USP9X: variants seen among roughly 807,000 people sequenced by gnomAD.
USP9X encodes the protein ubiquitin specific peptidase 9 X-linked.
A neutral mutation model predicts 190.3 loss-of-function variants in USP9X; 7 were observed. That is an observed-to-expected ratio of 0.04 (90% confidence interval 0.02 to 0.07). USP9X has a LOEUF of 0.07. Among genes scored for constraint, USP9X ranks in the 10% least tolerant of loss-of-function variants. The pLI is 1.00. For synonymous variants in USP9X, 645 were observed against 659.5 expected, an observed-to-expected ratio of 0.98 and a Z score of 0.34; for missense variants, 1,010 against 1,916.9, an observed-to-expected ratio of 0.53 and a Z score of 8.83.
rs1402507126 is a variant in USP9X, at chrX:41,219,094, C to G, written c.6436-8C>G. The stretch of plus-strand genomic sequence containing the variant: ...GCTGTAAAACAGGTAATGTTTTATC[C>G]TTTACAGGCTTATGACAACTTAAGC... On this transcript the variant is annotated splice_polypyrimidine_tract_variant and splice_region_variant and intron_variant, in intron 37 of 44. Transcript: ENST00000378308. 2 of 1,202,376 alleles carry G rather than the reference C, an allele frequency of 1.7e-6. No individual in the cohort carries two copies. Among genetic ancestry groups the G allele is most frequent in the Non-Finnish European group, 2.2e-6 (2 of 891,902 alleles).
rs1359920977 is a variant in USP9X, at chrX:41,234,484, AT to A, written c.*1964del. 1 of 112,225 alleles carries A rather than the reference AT, an allele frequency of 8.9e-6. No homozygotes were observed. The highest frequency in any genetic ancestry group is 9.5e-5 in the Admixed American group (1 of 10,522). The allele number at this position is 112,225 out of a possible 1,213,427, so 9.2% of individuals were successfully genotyped here. On this transcript the variant is annotated 3_prime_UTR_variant, in exon 45 of 45. Transcript: ENST00000378308. The stretch of plus-strand genomic sequence containing the variant: ...GTGCTTCTAGGTGTTCCTGTAGGAC[AT>A]TTTGACACCGATACTTTGAGTGAAA...
chrX:41,148,388 G>A lies in USP9X; in HGVS notation c.1439G>A (p.Ser480Asn), dbSNP rs377096733. 11 of 1,209,920 alleles carry A rather than the reference G, an allele frequency of 9.1e-6. No homozygotes were observed. Among genetic ancestry groups the A allele is most frequent in the Non-Finnish European group, 1.2e-5 (11 of 895,201 alleles). ...DCFKASWTNA[S>N]KKQREKLLEL... ...TTCTAGGCCAGTTGGACAAATGCGA[G>A]TAAAAAGCAACGTGAAAAGCTACTT... Residue 480 changes from serine to asparagine, a missense_variant, in exon 12 of 45, where the codon AGT becomes AAT. Physicochemically the swap from Ser to Asn is conservative, Grantham distance 46. Transcript: ENST00000378308.
At chrX:41,182,109 G>GC (rs779827095) in intron 21 of USP9X, among the ~76,000 whole-genome samples, 9 of 112,004 alleles carry the variant, frequency 8.0e-5, no homozygotes, top group Non-Finnish European at 1.1e-4. Flanking sequence ...ACCGGGTCAC[G>GC]CTGGTAATCC....
In USP9X at chrX:41,130,709, C is replaced by CTCTCT. The variant is rs2062304178; in HGVS notation, c.243-745_243-744insCTTCT. 1.0e-4 allele frequency among the ~76,000 whole-genome samples: 10 copies of CTCTCT among 100,451 alleles called. No individual in the cohort carries two copies. In the South Asian group the frequency reaches 4.6e-3, roughly 47 times the overall value. 87.2% of individuals were successfully genotyped at this position (100,451 alleles called of 115,157 possible). A position where few individuals can be genotyped will look rare whatever the true frequency, so the allele number is the denominator to read the frequency against. On this transcript the variant is annotated intron_variant, in intron 3 of 44. Transcript: ENST00000378308. ...CCATGTTGGCCAGGATGGTCTTGAT[C>CTCTCT]TCTTTTCTTTTCTTTTTCTTTTTTT...
intron 5 of USP9X, among the ~76,000 whole-genome samples, chrX:41,135,714 T>A: frequency 1.8e-5 from 2 of 111,608 alleles, no homozygotes; most frequent in South Asian, 3.8e-4. Flanking sequence ...CACTGCAACC[T>A]CCGCCTCCCA....
intron 21 of USP9X, among the ~76,000 whole-genome samples, chrX:41,177,364 CTTTG>C (rs939226960): frequency 1.9e-4 from 21 of 112,042 alleles, no homozygotes; most frequent in African/African-American, 6.8e-4. Context: ...TCTTTTGTGA[CTTTG>C]TTTTTGAATG....
intron 16 of USP9X, among the ~76,000 whole-genome samples, chrX:41,166,494 C>T (rs1232989150): frequency 1.8e-5 from 2 of 111,542 alleles, no homozygotes; most frequent in Admixed American, 9.5e-5. Flanking sequence ...ATTCCTCCCC[C>T]GTGGATATTA....
rs1033780426 is a variant in USP9X at position 41,233,751 on chromosome X, A to T, written c.*1227A>T. ...TCATTAAAAAAGAAACTACTGGTTG[A>T]TATAATTGAGATATTACAATTTCAG... On this transcript the variant is annotated 3_prime_UTR_variant, in exon 45 of 45. Transcript: ENST00000378308. 2 of 112,323 alleles carry T rather than the reference A, an allele frequency of 1.8e-5. No homozygotes were observed. The highest frequency in any genetic ancestry group is 6.5e-5 in the African/African-American group (2 of 30,850). The allele number at this position is 112,323 out of a possible 1,213,427, so 9.3% of individuals were successfully genotyped here. A position where few individuals can be genotyped will look rare whatever the true frequency, so the allele number is the denominator to read the frequency against.
At chrX:41,208,477 A>G (rs2063126202) in intron 32 of USP9X, among the ~76,000 whole-genome samples, 1 of 112,007 alleles carries the variant, frequency 8.9e-6, no homozygotes. Context: ...CTTTAGACAC[A>G]TAATCTACTC....
intron 2 of USP9X, among the ~76,000 whole-genome samples, chrX:41,125,380 ATTTT>A (rs35160092): frequency 1.0e-5 from 1 of 100,264 alleles, no homozygotes; most frequent in African/African-American, 3.6e-5. Flanking sequence ...CGGCCGATCC[ATTTT>A]TTTTTTTTTA....
intron 42 of USP9X, 36 bp from the exon 43 acceptor site, chrX:41,229,531 A>G: frequency 8.4e-7 from 1 of 1,192,002 alleles, no homozygotes; most frequent in South Asian, 1.9e-5. Flanking sequence ...AGTATTCCAA[A>G]TCCTCTTATC....
At chrX:41,170,703 T>G (rs766423045) in intron 20 of USP9X, 84 bp downstream of exon 20, 1 of 957,963 alleles carries the variant, frequency 1.0e-6, no homozygotes, top group African/African-American at 2.0e-5. Flanking sequence ...TGGTTCTTTC[T>G]TTTCTTGAGG....
At chrX:41,087,615 A>T (rs2061923464) in intron 1 of USP9X, among the ~76,000 whole-genome samples, 1 of 112,614 alleles carries the variant, frequency 8.9e-6, no homozygotes. Flanking sequence ...TTATCGTTCC[A>T]GCTTTTGGGT....
intron 26 of USP9X, among the ~76,000 whole-genome samples, chrX:41,194,466 A>G: frequency 9.0e-6 from 1 of 111,398 alleles, no homozygotes; most frequent in Non-Finnish European, 1.9e-5. Context: ...AGGCAGGAGA[A>G]TCGCTTGAAC....
intron 18 of USP9X, among the ~76,000 whole-genome samples, chrX:41,168,892 A>AT (rs112271373): frequency 0.19 from 21,143 of 110,779 alleles, 1,569 homozygotes; most frequent in Admixed American, 0.26. Context: ...CAATGCCATC[A>AT]TTTTTTTTAA....
At chrX:41,124,237 A>C (rs1392098381) in intron 2 of USP9X, among the ~76,000 whole-genome samples, 4 of 111,093 alleles carry the variant, frequency 3.6e-5, no homozygotes, top group African/African-American at 1.3e-4. Flanking sequence ...CAAGGTAAGG[A>C]GTTCGAGACC....
intron 1 of USP9X, 74 bp downstream of exon 1, chrX:41,086,183 CGAGGGGGGT>C: frequency 3.4e-6 from 1 of 292,866 alleles, no homozygotes. Flanking sequence ...GGGAGGAGGG[CGAGGGGGGT>C]GTGCGTGTGT....
chrX:41,168,548 C>G (rs901397695), intron 18 of USP9X, among the ~76,000 whole-genome samples: 8 of 112,131 alleles, frequency 7.1e-5, no homozygotes, highest in Admixed American at 5.6e-4. Flanking sequence ...ATTCTGTCAC[C>G]CAGGCTGGAA....
intron 1 of USP9X, among the ~76,000 whole-genome samples, chrX:41,099,865 C>T (rs762205165): frequency 1.7e-4 from 19 of 111,595 alleles, no homozygotes; most frequent in African/African-American, 6.2e-4. Flanking sequence ...GGCTTGGTGG[C>T]ATATGCTTGT....
Sources: gnomAD v4.1 joint callset for allele counts (sites outside exome capture counted in the v4.1 genomes callset) on GRCh38, gnomAD v4.1.1 for gene constraint, MANE v1.5 for transcripts, NCBI Gene and HGNC (gene_info 2026-07-23, HGNC 2026-07-21) for gene names.